The following KCNK10 variants were observed in gnomAD, a reference collection of about 807,000 sequenced individuals.
KCNK10 encodes potassium two pore domain channel subfamily K member 10.
KCNK10 carries 25 observed loss-of-function variants against 47.7 expected under a neutral mutation model. The ratio of observed to expected loss-of-function variants is 0.52; its 90% confidence interval spans 0.38 to 0.73. The LOEUF (loss-of-function observed/expected upper bound fraction) is 0.73. Ranked by LOEUF, KCNK10 falls within the 30% of genes least tolerant of loss-of-function variation. KCNK10 has a pLI of 0.00. For missense variants in KCNK10, 563 were observed against 714.5 expected (o/e 0.79, Z 2.42); for synonymous variants, 303 against 285.6 (o/e 1.06, Z -0.61).
intron 4 of KCNK10, among the ~76,000 whole-genome samples, chr14:88,216,239 T>C (rs1027326865): frequency 2.0e-5 from 3 of 152,176 alleles, no homozygotes; most frequent in Non-Finnish European, 4.4e-5. Context: ...ACTGAAAAAC[T>C]GATTAGGATC....
chr14:88,279,109 T>G (rs1422058723), intron 1 of KCNK10, among the ~76,000 whole-genome samples: 1 of 152,190 alleles, frequency 6.6e-6, no homozygotes, highest in African/African-American at 2.4e-5. Flanking sequence ...GGTAGTTCAT[T>G]TCTTTCCATT....
Position 88,265,551 on chromosome 14 carries a change from A to G in KCNK10, c.53-2000T>C, listed in dbSNP as rs376281429. On this transcript the variant is annotated intron_variant, in intron 1 of 6. Transcript: ENST00000319231. ...TTCCAGAACCATACAATAATAAATT[A>G]GTGCTGCTTTAAGCCACTACATGTG... is the stretch of plus-strand genomic sequence containing the variant. Among the ~76,000 whole-genome samples the G allele has an allele frequency of 6.0e-3, 910 of 152,318 alleles. 16 individuals are homozygous for G. In the South Asian group the frequency reaches 0.076, roughly 13 times the overall value.
rs1318952232 is a variant in KCNK10, at chr14:88,272,488, G to T, written c.53-8937C>A. Among the ~76,000 whole-genome samples, 5 of 152,062 alleles carry T rather than the reference G, an allele frequency of 3.3e-5. No homozygotes were observed. In the East Asian group the frequency reaches 9.7e-4, roughly 29 times the overall value. On this transcript the variant is annotated intron_variant, in intron 1 of 6. Transcript: ENST00000319231. ...AGGAAGGCGGAACAGCAATGGGGGGGCAACAGATACAAAGACACTCAGCCA... is the reference window on the plus strand; with the variant it reads ...AGGAAGGCGGAACAGCAATGGGGGGTCAACAGATACAAAGACACTCAGCCA...
At chr14:88,313,839 G>A (rs34939825) in intron 1 of KCNK10, among the ~76,000 whole-genome samples, 29,809 of 152,094 alleles carry the variant, frequency 0.2, 3,116 homozygotes, top group East Asian at 0.28. Context: ...ACATGCTAAC[G>A]TGCATGATGA....
chr14:88,197,574 A>T (rs1232989068), intron 4 of KCNK10, among the ~76,000 whole-genome samples: 1 of 73,026 alleles, frequency 1.4e-5, no homozygotes, highest in East Asian at 5.6e-4. Context: ...ACTCCGACTA[A>T]AAAAAAAAAA....
In KCNK10 at chr14:88,184,560, A is replaced by G. The variant is rs1327845965; in HGVS notation, c.*975T>C. On this transcript the variant is annotated 3_prime_UTR_variant, in exon 7 of 7. Coordinates refer to ENST00000319231, the MANE Select transcript of KCNK10 (RefSeq NM_138317.3). ...CATGGTCCTCCTCAGTGTGTCTCAG[A>G]AATGCAGGATGTCTACTTTTGTAAA... 6.6e-6 allele frequency: 1 copy of G among 152,334 alleles called. No homozygotes were observed. Among genetic ancestry groups the G allele is most frequent in the Non-Finnish European group, 1.5e-5 (1 of 68,026 alleles). 9.4% of individuals were successfully genotyped at this position (152,334 alleles called of 1,614,324 possible). A position where few individuals can be genotyped will look rare whatever the true frequency, so the allele number is the denominator to read the frequency against.
chr14:88,295,311 T>C (rs1489663512), intron 1 of KCNK10, among the ~76,000 whole-genome samples: 1 of 152,222 alleles, frequency 6.6e-6, no homozygotes, highest in Non-Finnish European at 1.5e-5. Context: ...ATTTGAAAGC[T>C]TGGGCTCTTT....
At chr14:88,228,122 G>C (rs1158083883) in intron 3 of KCNK10, among the ~76,000 whole-genome samples, 1 of 146,210 alleles carries the variant, frequency 6.8e-6, no homozygotes, top group African/African-American at 2.6e-5. Flanking sequence ...CACCGCCAGT[G>C]AAGTTTCGCC....
In KCNK10 at chr14:88,186,173, G is replaced by T. The variant is rs1274502418; in HGVS notation, c.1012-18C>A. 2 of 1,561,400 alleles carry T rather than the reference G, an allele frequency of 1.3e-6. No individual in the cohort carries two copies. Among genetic ancestry groups the T allele is most frequent in the Middle Eastern group, 2.3e-4 (1 of 4,270 alleles). On this transcript the variant is annotated intron_variant, in intron 6 of 6. Transcript: ENST00000319231. This position sits in a 1 kb window ranked among gnomAD's most constrained non-coding sequence, Gnocchi z 5.5. ...TCACCCACCTGGCCAAGAGACAGAA[G>T]AGCAACAATATGCTGACAAATGCCT... is the stretch of plus-strand genomic sequence containing the variant.
chr14:88,191,886 A>G (rs8021640), intron 5 of KCNK10, among the ~76,000 whole-genome samples: 82,167 of 152,046 alleles, frequency 0.54, 22,318 homozygotes, highest in East Asian at 0.7. Flanking sequence ...CCACTTCCTA[A>G]CACAGCCTTT....
rs1442072296 is a variant in KCNK10 at position 88,322,488 on chromosome 14, CCAAA to C, written c.52+255_52+258del. Among the ~76,000 whole-genome samples, 2 of 152,088 alleles carry C rather than the reference CCAAA, an allele frequency of 1.3e-5. No individual in the cohort carries two copies. The highest frequency in any genetic ancestry group is 4.8e-5 in the African/African-American group (2 of 41,394). On this transcript the variant is annotated intron_variant, in intron 1 of 6. Coordinates refer to ENST00000319231, the MANE Select transcript of KCNK10 (RefSeq NM_138317.3). This position sits in a 1 kb window ranked among gnomAD's most constrained non-coding sequence, Gnocchi z 4.8. ...AAATACCGACACTTGCAATTTCAAA[CCAAA>C]CAGTCGGCTTGGTCTATCTAAATAG...
intron 4 of KCNK10, among the ~76,000 whole-genome samples, chr14:88,194,885 G>A (rs17124243): frequency 0.048 from 7,291 of 152,136 alleles, 429 homozygotes; most frequent in East Asian, 0.23. Flanking sequence ...AGAAATGCGC[G>A]TCTTGCATGT....
chr14:88,250,885 A>C (rs896461418), intron 2 of KCNK10, among the ~76,000 whole-genome samples: 1 of 152,242 alleles, frequency 6.6e-6, no homozygotes, highest in Admixed American at 6.5e-5. Flanking sequence ...ACAGAAACAA[A>C]AGAATTTTTT....
At chr14:88,242,587 A>C (rs8007932) in intron 2 of KCNK10, among the ~76,000 whole-genome samples, 33,751 of 152,048 alleles carry the variant, frequency 0.22, 3,931 homozygotes, top group East Asian at 0.4. Context: ...TTCTAGCAAA[A>C]CCTGGCACCC....
At chr14:88,320,915 G>A (rs1205159611) in intron 1 of KCNK10, among the ~76,000 whole-genome samples, 3 of 152,162 alleles carry the variant, frequency 2.0e-5, no homozygotes, top group Admixed American at 6.5e-5. Context: ...GGAGGGGGGC[G>A]TCTCGCCTGT....
rs145272225 is a variant in KCNK10, at chr14:88,185,751, C to T, written c.1416G>A (p.Glu472=). The change falls in exon 7 of 7, where the codon GAG becomes GAA. Residue 472 remains glutamate, a synonymous_variant. Coordinates refer to ENST00000319231, the MANE Select transcript of KCNK10 (RefSeq NM_138317.3). This position sits in a 1 kb window ranked among gnomAD's most constrained non-coding sequence, Gnocchi z 4.3. ...KNKDLKKTLP[E]DVQKIYKTFR... is the part of the protein sequence containing the mutation. The stretch of plus-strand genomic sequence containing the variant: ...AGGTCTTGTAGATTTTCTGAACGTC[C>T]TCGGGCAAGGTCTTTTTGAGGTCCT... 2 of 1,614,196 alleles carry T rather than the reference C, an allele frequency of 1.2e-6. No individual in the cohort carries two copies. The highest frequency in any genetic ancestry group is 2.2e-5 in the East Asian group (1 of 44,876).
chr14:88,300,788 T>C (rs986657972), intron 1 of KCNK10, among the ~76,000 whole-genome samples: 3 of 152,222 alleles, frequency 2.0e-5, no homozygotes, highest in African/African-American at 7.2e-5. Flanking sequence ...TTCAAATGAA[T>C]TGAATGAATG....
At chr14:88,190,747 G>T (rs868522017) in intron 5 of KCNK10, among the ~76,000 whole-genome samples, 1 of 152,280 alleles carries the variant, frequency 6.6e-6, no homozygotes. Flanking sequence ...GTCTTTGTCT[G>T]CCCAATTGGA....
chr14:88,230,662 C>T (rs1474619685), intron 3 of KCNK10, among the ~76,000 whole-genome samples: 2 of 152,144 alleles, frequency 1.3e-5, no homozygotes, highest in South Asian at 4.1e-4. Context: ...CCACAGGGCC[C>T]ACGCTTAGAT....
Sources: gnomAD v4.1 joint callset for allele counts (sites outside exome capture counted in the v4.1 genomes callset) on GRCh38, gnomAD v4.1.1 for gene constraint, Gnocchi (gnomAD v3.1) non-coding constraint, MANE v1.5 for transcripts, NCBI Gene and HGNC (gene_info 2026-07-23, HGNC 2026-07-21) for gene names.